PUDP: variants seen among roughly 807,000 people sequenced by gnomAD.
The protein encoded by PUDP is pseudouridine 5'-phosphatase.
In PUDP, 8 loss-of-function variants were observed where a neutral mutation model predicts 9.4. That is an observed-to-expected ratio of 0.85 (90% CI 0.50 to 1.53). The LOEUF (loss-of-function observed/expected upper bound fraction) is 1.53. Among genes scored for constraint, PUDP ranks in the 40% most tolerant of loss-of-function variants. The probability of loss-of-function intolerance (pLI) is 0.00; values close to 1 mark genes in which losing one functional copy is unlikely to be tolerated. For missense variants in PUDP, 188 were observed against 189.7 expected, an observed-to-expected ratio of 0.99 and a Z score of 0.05; for synonymous variants, 99 against 80.7, an observed-to-expected ratio of 1.23 and a Z score of -1.22.
intron 3 of PUDP, among the ~76,000 whole-genome samples, chrX:6,796,903 G>A (rs1192255512): frequency 1.8e-5 from 2 of 111,853 alleles, no homozygotes; most frequent in Non-Finnish European, 3.8e-5. Context: ...CCAGATTGCC[G>A]GAAATGTTCA....
chrX:7,080,560 C>T (rs1232188310), intron 2 of PUDP, among the ~76,000 whole-genome samples: 1 of 111,893 alleles, frequency 8.9e-6, no homozygotes, highest in Non-Finnish European at 1.9e-5. Context: ...CGCATAAAAA[C>T]AATATTCAAT....
intron 1 of PUDP, among the ~76,000 whole-genome samples, chrX:7,129,849 A>T (rs1327794925): frequency 9.0e-6 from 1 of 111,591 alleles, no homozygotes; most frequent in Non-Finnish European, 1.9e-5. Flanking sequence ...CTCAGACAGC[A>T]CACAGCATGC....
At chrX:6,914,584 G>A (rs1927900706) in intron 3 of PUDP, among the ~76,000 whole-genome samples, 1 of 112,084 alleles carries the variant, frequency 8.9e-6, no homozygotes, top group African/African-American at 3.2e-5. Flanking sequence ...TGCATGCAAT[G>A]GCCCTGCAGG....
At chrX:6,772,952 G>A (rs959409347) in intron 3 of PUDP, among the ~76,000 whole-genome samples, 2 of 112,208 alleles carry the variant, frequency 1.8e-5, no homozygotes, top group South Asian at 3.7e-4. Context: ...AATAGTTGAA[G>A]CTTTTTCCAC....
chrX:6,743,762 T>A (rs759277107), intron 3 of PUDP, among the ~76,000 whole-genome samples: 6 of 111,792 alleles, frequency 5.4e-5, no homozygotes, highest in Non-Finnish European at 1.1e-4. Flanking sequence ...AGGTGTGCCA[T>A]GACAGGGCGC....
chrX:6,910,957 C>T (rs1927840137), intron 3 of PUDP, among the ~76,000 whole-genome samples: 1 of 111,463 alleles, frequency 9.0e-6, no homozygotes, highest in African/African-American at 3.3e-5. Context: ...CTTTTATAAT[C>T]TCATTCATAA....
intron 3 of PUDP, among the ~76,000 whole-genome samples, chrX:6,904,115 C>A (rs1927733202): frequency 9.2e-6 from 1 of 109,153 alleles, no homozygotes; most frequent in East Asian, 2.9e-4. Context: ...CCGTGCCCAG[C>A]TAATTGCTGT....
chrX:7,112,292 C>G (rs924948334), intron 1 of PUDP, among the ~76,000 whole-genome samples: 4 of 112,157 alleles, frequency 3.6e-5, no homozygotes, highest in Non-Finnish European at 5.6e-5. Flanking sequence ...TGAGAACGTT[C>G]TGTGTCATGG....
intron 1 of PUDP, among the ~76,000 whole-genome samples, chrX:7,040,699 A>G (rs920930411): frequency 9.8e-5 from 11 of 111,803 alleles, no homozygotes; most frequent in African/African-American, 3.3e-4. Flanking sequence ...GATATTCAAG[A>G]AAGGCCCCCG....
chrX:6,775,924 A>G (rs1257888196), intron 3 of PUDP, among the ~76,000 whole-genome samples: 3 of 111,385 alleles, frequency 2.7e-5, no homozygotes, highest in Non-Finnish European at 3.8e-5. Flanking sequence ...TACTGTTTAT[A>G]AGCCACCCAG....
At chrX:7,094,507 C>A (rs1490723032) in intron 2 of PUDP, among the ~76,000 whole-genome samples, 4 of 110,409 alleles carry the variant, frequency 3.6e-5, no homozygotes, top group Non-Finnish European at 7.6e-5. Flanking sequence ...CAGGCGCCTG[C>A]CACCACACCC....
At chrX:6,839,419 T>C (rs1476395694) in intron 3 of PUDP, among the ~76,000 whole-genome samples, 1 of 111,286 alleles carries the variant, frequency 9.0e-6, no homozygotes, top group Non-Finnish European at 1.9e-5. Context: ...GGAGCAGTCG[T>C]TAGAAATTTG....
chrX:6,720,159 TATATGTGTATATATATGTGTGTATATAC>T (rs1298470280), intron 1 of PUDP, among the ~76,000 whole-genome samples: 2 of 100,637 alleles, frequency 2.0e-5, no homozygotes, highest in Non-Finnish European at 3.9e-5. Context: ...TGTGTGTATA[TATATGTGTATATATATGTGTGTATATAC>T]ATATGTGTAT....
intron 3 of PUDP, among the ~76,000 whole-genome samples, chrX:6,848,212 T>C (rs1926776981): frequency 8.9e-6 from 1 of 112,100 alleles, no homozygotes; most frequent in South Asian, 3.7e-4. Context: ...AGAAGCACTT[T>C]TCACAAAGCC....
chrX:6,728,778 A>G (rs909027848), intron 3 of PUDP, among the ~76,000 whole-genome samples: 1 of 111,234 alleles, frequency 9.0e-6, no homozygotes, highest in Non-Finnish European at 1.9e-5. Flanking sequence ...CTTTTAGTAA[A>G]CTCCAGACAT....
chrX:7,126,536 A>G (rs1932491346), intron 1 of PUDP, among the ~76,000 whole-genome samples: 1 of 111,899 alleles, frequency 8.9e-6, no homozygotes, highest in African/African-American at 3.2e-5. Context: ...CTAAGATCAG[A>G]GTCAGTCAGC....
At chrX:6,809,288 T>C (rs1465496240) in intron 3 of PUDP, among the ~76,000 whole-genome samples, 2 of 110,297 alleles carry the variant, frequency 1.8e-5, no homozygotes, top group Non-Finnish European at 3.8e-5. Flanking sequence ...AACATGGTCA[T>C]CATCAATATG....
chrX:7,108,307 C>T (rs1343932449), intron 1 of PUDP, among the ~76,000 whole-genome samples: 1 of 112,212 alleles, frequency 8.9e-6, no homozygotes, highest in Non-Finnish European at 1.9e-5. Context: ...CTCCTGGTCC[C>T]AGGGCTCACT....
intron 1 of PUDP, among the ~76,000 whole-genome samples, chrX:7,119,932 G>T (rs1261147049): frequency 8.9e-6 from 1 of 111,881 alleles, no homozygotes; most frequent in East Asian, 2.8e-4. Context: ...TACATAGAAC[G>T]CAAAGAGCAA....
Sources: gnomAD v4.1 joint callset for allele counts (sites outside exome capture counted in the v4.1 genomes callset) on GRCh38, gnomAD v4.1.1 for gene constraint, MANE v1.5 for transcripts, NCBI Gene and HGNC (gene_info 2026-07-23, HGNC 2026-07-21) for gene names.